Variants in PPT1 observed in about 807,000 individuals in gnomAD.
PPT1 encodes the protein palmitoyl-protein thioesterase 1.
PPT1 carries 24 observed loss-of-function variants against 44.0 expected under a neutral mutation model. That is an observed-to-expected ratio of 0.54 (90% CI 0.39 to 0.77). The LOEUF (loss-of-function observed/expected upper bound fraction) is 0.77. Among genes scored for constraint, PPT1 ranks in the 30% least tolerant of loss-of-function variants. PPT1 has a pLI of 0.00. For synonymous variants in PPT1, 148 were observed against 140.2 expected (o/e 1.06, Z -0.39); for missense variants, 341 against 378.8 (o/e 0.90, Z 0.83).
chr1:40,092,431 G>C lies in PPT1; in HGVS notation c.201C>G (p.Val67=). The C allele has an allele frequency of 6.2e-7, 1 of 1,613,430 alleles. No homozygotes were observed. The highest frequency in any genetic ancestry group is 2.2e-5 in the East Asian group (1 of 44,880). ...GGGTCTTCCCAATCTCTAAAGATAA[G>C]ACGTAAATTCCAGGTATTTTCTTCT... ...MVEKKIPGIY[V]LSLEIGKTLM... The change falls in exon 2 of 9, where the codon GTC becomes GTG. Residue 67 remains valine, a synonymous_variant. Coordinates refer to ENST00000642050, the MANE Select transcript of PPT1 (RefSeq NM_000310.4).
chr1:40,083,782 C>T (rs12125723), intron 5 of PPT1, among the ~76,000 whole-genome samples: 8,753 of 152,016 alleles, frequency 0.058, 277 homozygotes, highest in East Asian at 0.11. Flanking sequence ...AGAACATTAA[C>T]GGGCTGGGTA....
chr1:40,074,287 T>C, intron 8 of PPT1, 104 bp from the exon 9 acceptor site: 1 of 1,439,874 alleles, frequency 6.9e-7, no homozygotes, highest in Non-Finnish European at 9.6e-7. Flanking sequence ...CAGTTTGTCC[T>C]GAGTATTAAA....
chr1:40,077,911 A>G (rs1648713161), intron 7 of PPT1, among the ~76,000 whole-genome samples: 1 of 152,226 alleles, frequency 6.6e-6, no homozygotes, highest in African/African-American at 2.4e-5. Context: ...AGCCAGATCA[A>G]GGCAGACCTT....
At chr1:40,096,528 T>C (rs938208218) in intron 1 of PPT1, among the ~76,000 whole-genome samples, 7 of 152,164 alleles carry the variant, frequency 4.6e-5, no homozygotes, top group Admixed American at 2.0e-4. Flanking sequence ...CACAAAATTA[T>C]TTAAAATATT....
intron 5 of PPT1, among the ~76,000 whole-genome samples, chr1:40,087,570 A>G (rs1649329297): frequency 6.6e-6 from 1 of 151,648 alleles, no homozygotes; most frequent in African/African-American, 2.4e-5. Flanking sequence ...GTCACTTGTC[A>G]CCCCCCGACG....
Position 40,092,490 on chromosome 1 carries a change from GAT to G in PPT1, c.140_141del (p.Asn47ThrfsTer8). The G allele has an allele frequency of 1.2e-6, 2 of 1,612,322 alleles. No individual in the cohort carries two copies. Among genetic ancestry groups the G allele is most frequent in the Non-Finnish European group, 1.7e-6 (2 of 1,178,424 alleles). On this transcript the variant is annotated frameshift_variant, in exon 2 of 9. Transcript: ENST00000642050. LOFTEE classifies it high-confidence loss of function. The stretch of plus-strand genomic sequence containing the variant: ...TTTTTAATAGCACCCATGCTTAAGG[GAT>G]TGCAACAGCTGTCTCCTAGCCAACA... Reference protein sequence around the residue: ...IWHGMGDSCCNPLSMGAIKKM... With the variant: ...IWHGMGDSCCXPLSMGAIKKM...
chr1:40,087,319 T>G (rs3122435), intron 5 of PPT1, among the ~76,000 whole-genome samples: 2 of 151,490 alleles, frequency 1.3e-5, no homozygotes, highest in African/African-American at 2.4e-5. Flanking sequence ...CTCAGCTCAC[T>G]GCAACCTCCG....
At chr1:40,075,073 G>A (rs1648543356) in intron 8 of PPT1, 1 of 152,172 alleles carries the variant, frequency 6.6e-6, no homozygotes, top group Non-Finnish European at 1.5e-5. Flanking sequence ...TGACCAATAT[G>A]ATGACACTTT....
In PPT1 at chr1:40,092,152, GA is replaced by G; in HGVS notation, c.254del (p.Phe85SerfsTer2). 1 of 1,614,124 alleles carries G rather than the reference GA, an allele frequency of 6.2e-7. No individual in the cohort carries two copies. The highest frequency in any genetic ancestry group is 8.5e-7 in the Non-Finnish European group (1 of 1,179,964). ...TLMEDVENSF[F>X]LNVNSQVTTV... Reference sequence around the variant, plus strand: ...TTGTTACTTGGGAATTGACATTCAAGAAGAAGCTGTTCTCCACGTCCTAAAA... The same window carrying G: ...TTGTTACTTGGGAATTGACATTCAAGAGAAGCTGTTCTCCACGTCCTAAAA... On this transcript the variant is annotated frameshift_variant, in exon 3 of 9. Transcript: ENST00000642050. LOFTEE classifies it high-confidence loss of function.
chr1:40,082,983 A>G (rs188697863), intron 5 of PPT1, among the ~76,000 whole-genome samples: 2 of 152,314 alleles, frequency 1.3e-5, no homozygotes. Context: ...ATGCTGGGTT[A>G]CCATTTTTTA....
At position 40,092,512 on chromosome 1, in the gene PPT1, C is replaced by T. The variant is rs777893002; in HGVS notation, c.125-5G>A. 4 of 1,594,646 alleles carry T rather than the reference C, an allele frequency of 2.5e-6. No individual in the cohort carries two copies. The highest frequency in any genetic ancestry group is 1.7e-4 in the Middle Eastern group (1 of 6,028). Reference sequence around the variant, plus strand: ...AGGGATTGCAACAGCTGTCTCCTAGCCAACAAAACACAATGATGGAAACTC... The same window carrying T: ...AGGGATTGCAACAGCTGTCTCCTAGTCAACAAAACACAATGATGGAAACTC... On this transcript the variant is annotated splice_region_variant and splice_polypyrimidine_tract_variant and intron_variant, in intron 1 of 8. Coordinates refer to ENST00000642050, the MANE Select transcript of PPT1 (RefSeq NM_000310.4).
intron 8 of PPT1, among the ~76,000 whole-genome samples, 156 bp from the exon 9 acceptor site, chr1:40,074,339 A>C (rs1418734171): frequency 2.0e-5 from 3 of 149,704 alleles, no homozygotes; most frequent in East Asian, 1.9e-4. Context: ...AATATCTCCT[A>C]CTTCTTTTTC....
Position 40,078,443 on chromosome 1 carries a change from C to T in PPT1, c.726+117G>A. 4 of 983,514 alleles carry T rather than the reference C, an allele frequency of 4.1e-6. 1 individual carries two copies. In the South Asian group the frequency reaches 5.1e-5, roughly 13 times the overall value. 60.9% of individuals were successfully genotyped at this position (983,514 alleles called of 1,614,324 possible). ...TCTTGAACTCCTGACCTCAGGTGAT[C>T]CACCCGCCTTGGCCTCCCAGAGTGC... On this transcript the variant is annotated intron_variant, in intron 7 of 8. Transcript: ENST00000642050.
At chr1:40,072,092 CTCTAT>C, downstream of PPT1, 1 of 402,266 alleles carries the variant, frequency 2.5e-6, no homozygotes. Flanking sequence ...TCCTTTTATT[CTCTAT>C]TCTATCCTGG....
At chr1:40,072,251 G>GTAA, downstream of PPT1, 2 of 241,226 alleles carry the variant, frequency 8.3e-6, no homozygotes, top group African/African-American at 1.3e-4. Context: ...GACTTTAAAA[G>GTAA]GAAAAAAAAA....
At chr1:40,083,518 A>G (rs1239986442) in intron 5 of PPT1, among the ~76,000 whole-genome samples, 2 of 152,194 alleles carry the variant, frequency 1.3e-5, no homozygotes, top group Admixed American at 6.5e-5. Context: ...CAAATATTAC[A>G]GCTCATTAAA....
In PPT1 at chr1:40,097,195, A is replaced by T; in HGVS notation, c.44T>A (p.Leu15Gln). The change falls in exon 1 of 9, where the codon CTG becomes CAG. Residue 15 changes from leucine to glutamine, a missense_variant. By Grantham distance (113) the Leu-to-Gln change is moderately radical. Transcript: ENST00000642050. ...CGCCCGAGAAGCGCAGGTCCATGGC[A>T]GGAGAGCCACAGCCAAGAGCCACAG... ...GCLWLLAVAL[L>Q]PWTCASRALQ... is the part of the protein sequence containing the mutation. 3 of 1,613,978 alleles carry T rather than the reference A, an allele frequency of 1.9e-6. No homozygotes were observed. The highest frequency in any genetic ancestry group is 2.5e-6 in the Non-Finnish European group (3 of 1,179,942).
In PPT1 at chr1:40,091,347, C is replaced by A. The variant is rs752233032; in HGVS notation, c.415G>T (p.Val139Phe). Residue 139 changes from valine to phenylalanine, a missense_variant, in exon 4 of 9, where the codon GTT (valine) becomes TTT (phenylalanine). Transcript: ENST00000642050. ...PSPPMINLIS[V>F]GGQHQGVFGL... ...AAGTTACCTTGATGTTGTCCCCCAA[C>A]CGAGATCAGATTGATCATGGGAGGT... The A allele has an allele frequency of 6.2e-7, 1 of 1,613,914 alleles. No individual in the cohort carries two copies. The highest frequency in any genetic ancestry group is 1.3e-5 in the African/African-American group (1 of 74,892).
intron 5 of PPT1, among the ~76,000 whole-genome samples, chr1:40,086,381 C>T (rs1429442479): frequency 6.6e-6 from 1 of 152,158 alleles, no homozygotes; most frequent in Admixed American, 6.5e-5. Context: ...TCCTCGTTGC[C>T]CTCACCATGC....
Sources: allele counts gnomAD v4.1 joint callset (sites outside exome capture counted in the v4.1 genomes callset), GRCh38; gene constraint gnomAD v4.1.1; transcripts MANE v1.5; gene names NCBI Gene and HGNC (gene_info 2026-07-23, HGNC 2026-07-21).